The following LRRTM4 variants were observed in gnomAD, a reference collection of about 807,000 sequenced individuals.
LRRTM4 encodes leucine-rich repeat transmembrane neuronal protein 4.
LRRTM4 carries 25 observed loss-of-function variants against 47.6 expected under a neutral mutation model. The observed-to-expected ratio is 0.53, with a 90% CI of 0.38 to 0.73. LRRTM4 has a LOEUF of 0.73. Among genes scored for constraint, LRRTM4 ranks in the 30% least tolerant of loss-of-function variants. The probability of loss-of-function intolerance (pLI) is 0.00; values close to 1 mark genes in which losing one functional copy is unlikely to be tolerated. For synonymous variants in LRRTM4, 311 were observed against 269.5 expected, an observed-to-expected ratio of 1.15 and a Z score of -1.51; for missense variants, 638 against 713.4, an observed-to-expected ratio of 0.89 and a Z score of 1.20.
intron 3 of LRRTM4, among the ~76,000 whole-genome samples, chr2:76,986,953 C>T (rs114531930): frequency 0.013 from 1,912 of 152,000 alleles, 39 homozygotes; most frequent in African/African-American, 0.044. Context: ...GTAGCATAAA[C>T]TATTCTGACA....
chr2:76,944,876 C>T (rs1246477762), intron 3 of LRRTM4, among the ~76,000 whole-genome samples: 1 of 151,936 alleles, frequency 6.6e-6, no homozygotes, highest in Admixed American at 6.6e-5. Context: ...AAGGTTAAAT[C>T]TATATTACTC....
intron 3 of LRRTM4, among the ~76,000 whole-genome samples, chr2:76,926,679 T>G (rs1200827021): frequency 6.6e-6 from 1 of 152,170 alleles, no homozygotes; most frequent in African/African-American, 2.4e-5. Flanking sequence ...TGACCCCTTC[T>G]TGCTCTCTCT....
At chr2:77,365,404 T>G (rs1341244808) in intron 3 of LRRTM4, among the ~76,000 whole-genome samples, 1 of 152,006 alleles carries the variant, frequency 6.6e-6, no homozygotes, top group African/African-American at 2.4e-5. Context: ...ATGAATATAC[T>G]AAAGAGTCAT....
chr2:77,276,729 A>G (rs1481748186), intron 3 of LRRTM4, among the ~76,000 whole-genome samples: 1 of 89,734 alleles, frequency 1.1e-5, no homozygotes, highest in South Asian at 3.9e-4. Flanking sequence ...ATATATATAT[A>G]TATGTTTTCT....
chr2:76,918,292 T>C (rs1022529562), intron 3 of LRRTM4, among the ~76,000 whole-genome samples: 1 of 152,206 alleles, frequency 6.6e-6, no homozygotes, highest in Admixed American at 6.5e-5. Flanking sequence ...CAAATAAATA[T>C]CAAGTTTAGG....
intron 3 of LRRTM4, among the ~76,000 whole-genome samples, chr2:76,960,895 A>AT (rs1442992350): frequency 6.6e-6 from 1 of 151,464 alleles, no homozygotes; most frequent in Non-Finnish European, 1.5e-5. Context: ...AATGCTCACC[A>AT]TTTTTGTTAA....
chr2:77,158,319 A>G (rs1166982482), intron 3 of LRRTM4, among the ~76,000 whole-genome samples: 1 of 152,224 alleles, frequency 6.6e-6, no homozygotes, highest in East Asian at 1.9e-4. Context: ...TGGATTTCTC[A>G]ATTTCTCATC....
intron 3 of LRRTM4, among the ~76,000 whole-genome samples, chr2:76,832,986 T>G (rs1357772681): frequency 6.6e-6 from 1 of 152,036 alleles, no homozygotes; most frequent in African/African-American, 2.4e-5. Flanking sequence ...TTTGCACTAT[T>G]AGCAAAACTG....
chr2:77,087,926 C>G lies in LRRTM4; in HGVS notation c.1552-339010G>C, dbSNP rs1157898187. ...AAATATATGTCTTTGCCAAGGTTCCCTTTTTCCAGAGGCAAAAGATCATAT... is the reference window on the plus strand; with the variant it reads ...AAATATATGTCTTTGCCAAGGTTCCGTTTTTCCAGAGGCAAAAGATCATAT... On this transcript the variant is annotated intron_variant, in intron 3 of 3. Coordinates refer to ENST00000409884, the MANE Select transcript of LRRTM4 (RefSeq NM_001134745.3). Among the ~76,000 whole-genome samples the G allele has an allele frequency of 2.0e-5, 3 of 151,934 alleles. No homozygotes were observed. The East Asian group carries it at 5.8e-4, about 29-fold the overall frequency.
intron 3 of LRRTM4, among the ~76,000 whole-genome samples, chr2:77,488,988 T>C (rs1678032547): frequency 1.8e-5 from 1 of 54,904 alleles, no homozygotes; most frequent in Admixed American, 2.4e-4. Context: ...ACCCTAAAAC[T>C]TAAAGTATAA....
chr2:77,046,549 G>A (rs529077187), intron 3 of LRRTM4, among the ~76,000 whole-genome samples: 1 of 151,948 alleles, frequency 6.6e-6, no homozygotes, highest in Admixed American at 6.6e-5. Context: ...TTGGCAGAAT[G>A]ACTAGAGTAT....
chr2:77,050,759 C>T (rs1391689387), intron 3 of LRRTM4, among the ~76,000 whole-genome samples: 2 of 152,110 alleles, frequency 1.3e-5, no homozygotes, highest in Admixed American at 6.6e-5. Context: ...ACTCTTTCTA[C>T]TTCTGTAAAA....
chr2:77,407,620 A>AAT (rs1674247999), intron 3 of LRRTM4, among the ~76,000 whole-genome samples: 1 of 138,502 alleles, frequency 7.2e-6, no homozygotes, highest in African/African-American at 2.8e-5. Flanking sequence ...TATATAATAT[A>AAT]ATATATGATA....
At chr2:76,819,094 C>T (rs188430888) in intron 3 of LRRTM4, among the ~76,000 whole-genome samples, 9 of 151,708 alleles carry the variant, frequency 5.9e-5, no homozygotes, top group Non-Finnish European at 1.0e-4. Context: ...ACTTTCCCGA[C>T]AAATGAGGTT....
chr2:76,971,720 T>C (rs540812699), intron 3 of LRRTM4, among the ~76,000 whole-genome samples: 1 of 152,056 alleles, frequency 6.6e-6, no homozygotes, highest in African/African-American at 2.4e-5. Context: ...TTTAAAAGTA[T>C]TTACAAATAT....
At chr2:76,984,381 G>A (rs985288663) in intron 3 of LRRTM4, among the ~76,000 whole-genome samples, 4 of 151,930 alleles carry the variant, frequency 2.6e-5, no homozygotes, top group African/African-American at 9.7e-5. Flanking sequence ...ATTACTAGAT[G>A]TTTATGTCAA....
intron 3 of LRRTM4, among the ~76,000 whole-genome samples, chr2:76,856,792 A>C (rs2103993009): frequency 6.6e-6 from 1 of 152,266 alleles, no homozygotes; most frequent in Admixed American, 6.5e-5. Context: ...AAAAAGAAAA[A>C]AAAGCCTACT....
chr2:76,829,794 C>A (rs988215216), intron 3 of LRRTM4, among the ~76,000 whole-genome samples: 5 of 152,004 alleles, frequency 3.3e-5, no homozygotes, highest in African/African-American at 1.2e-4. Context: ...CTTCTCTCCC[C>A]TAAAGTGTGA....
At chr2:77,148,003 T>G (rs925144677) in intron 3 of LRRTM4, among the ~76,000 whole-genome samples, 1 of 152,128 alleles carries the variant, frequency 6.6e-6, no homozygotes, top group African/African-American at 2.4e-5. Context: ...TGGAAAAAAT[T>G]TGCAAATCTT....
Sources: allele counts gnomAD v4.1 joint callset (sites outside exome capture counted in the v4.1 genomes callset), GRCh38; gene constraint gnomAD v4.1.1; transcripts MANE v1.5; gene names NCBI Gene and HGNC (gene_info 2026-07-23, HGNC 2026-07-21).